MCF2L2: variants seen among roughly 807,000 people sequenced by gnomAD.
MCF2L2 encodes probable guanine nucleotide exchange factor MCF2L2.
MCF2L2 carries 102 observed loss-of-function variants against 150.2 expected under a neutral mutation model. That is an observed-to-expected ratio of 0.68 (90% CI 0.58 to 0.80). MCF2L2 has a LOEUF of 0.80. MCF2L2 is among the 30% of genes least tolerant of loss of function. The probability of loss-of-function intolerance (pLI) is 0.00; values close to 1 mark genes in which losing one functional copy is unlikely to be tolerated. For missense variants in MCF2L2, 1,256 were observed against 1,372.8 expected, an observed-to-expected ratio of 0.91 and a Z score of 1.34; for synonymous variants, 465 against 491.3, an observed-to-expected ratio of 0.95 and a Z score of 0.71.
rs753834882 is a variant in MCF2L2, at chr3:183,310,920, A to C, written c.988T>G (p.Cys330Gly). 1.9e-5 allele frequency: 30 copies of C among 1,611,348 alleles called. No homozygotes were observed. The part of the protein sequence containing the change: ...LQLQHFEHDF[C>G]KAKLALDNLL... ...AGTAAACAAGAAAAGAATACCTTAC[A>C]AAAATCGTGCTCAAAATGCTGTAGT... is the stretch of plus-strand genomic sequence containing the variant. Residue 330 changes from cysteine (C) to glycine (G), a missense_variant, in exon 9 of 30, where the codon TGT (cysteine) becomes GGT (glycine). Coordinates refer to ENST00000328913, the MANE Select transcript of MCF2L2 (RefSeq NM_015078.4).
intron 8 of MCF2L2, among the ~76,000 whole-genome samples, chr3:183,311,406 A>G (rs1729370778): frequency 6.6e-6 from 1 of 152,166 alleles, no homozygotes; most frequent in African/African-American, 2.4e-5. Context: ...CTCTCCCTCA[A>G]AATCCTAGGG....
At chr3:183,225,584 G>C (rs936454854) in intron 18 of MCF2L2, 4 of 152,376 alleles carry the variant, frequency 2.6e-5, no homozygotes, top group Admixed American at 1.3e-4. Flanking sequence ...TCTGGTGGCG[G>C]ATGGTCCAGG....
rs537201516 is a variant in MCF2L2, at chr3:183,338,880, G to A, written c.406C>T (p.Arg136Cys). ...PGNLQLIFIL[R>C]PSRFIQRTFT... ...GTCCTCTGGATAAAGCGAGATGGAC[G>A]AAGGATGAATATGAGCTGTAAGTTT... The change falls in exon 5 of 30, where the codon CGT (arginine) becomes TGT (cysteine). Residue 136 changes from arginine (R) to cysteine (C), a missense_variant. By Grantham distance (180) the Arg-to-Cys change is radical (BLOSUM62 -3). Transcript: ENST00000328913. 1.5e-5 allele frequency: 24 copies of A among 1,606,842 alleles called. No individual in the cohort carries two copies. The highest frequency in any genetic ancestry group is 1.2e-4 in the South Asian group (11 of 90,386).
intron 22 of MCF2L2, among the ~76,000 whole-genome samples, chr3:183,213,132 T>C (rs1234471000): frequency 9.9e-5 from 15 of 152,080 alleles, no homozygotes; most frequent in Non-Finnish European, 2.9e-5. Flanking sequence ...CCTTTAGTGG[T>C]TTATATAAAT....
intron 15 of MCF2L2, among the ~76,000 whole-genome samples, chr3:183,241,347 G>A (rs1393342023): frequency 6.6e-6 from 1 of 152,208 alleles, no homozygotes; most frequent in East Asian, 1.9e-4. Context: ...TTTGGTGGGT[G>A]ATATGGTTTG....
chr3:183,404,521 T>C (rs763596718), intron 1 of MCF2L2, among the ~76,000 whole-genome samples: 6 of 152,200 alleles, frequency 3.9e-5, no homozygotes, highest in Admixed American at 1.3e-4. Context: ...TTTAAAAACT[T>C]CACACTTACA....
At chr3:183,222,366 A>G (rs1723179701) in intron 20 of MCF2L2, among the ~76,000 whole-genome samples, 1 of 152,192 alleles carries the variant, frequency 6.6e-6, no homozygotes, top group South Asian at 2.1e-4. Flanking sequence ...CCTGGCCAAC[A>G]TGGTGAAACC....
At chr3:183,390,810 T>C (rs1342223261) in intron 1 of MCF2L2, among the ~76,000 whole-genome samples, 1 of 152,142 alleles carries the variant, frequency 6.6e-6, no homozygotes, top group Non-Finnish European at 1.5e-5. Context: ...GGCAGGAGAA[T>C]CTCTTGAGTC....
chr3:183,200,484 T>C (rs552399836), intron 25 of MCF2L2, among the ~76,000 whole-genome samples: 1 of 152,358 alleles, frequency 6.6e-6, no homozygotes, highest in East Asian at 1.9e-4. Context: ...ATTTTTTTCT[T>C]GTAAATTTGT....
chr3:183,364,154 T>C (rs1712377608), intron 3 of MCF2L2, among the ~76,000 whole-genome samples: 1 of 152,008 alleles, frequency 6.6e-6, no homozygotes, highest in South Asian at 2.1e-4. Context: ...ATGAATGAAA[T>C]AAATTATTCA....
intron 1 of MCF2L2, among the ~76,000 whole-genome samples, chr3:183,402,450 T>TTAAAAAAAA (rs1714812393): frequency 3.1e-5 from 1 of 32,534 alleles, no homozygotes; most frequent in Admixed American, 3.9e-4. Flanking sequence ...CGAGACTCCA[T>TTAAAAAAAA]CAAAAAAAAA....
chr3:183,377,663 G>C (rs1713265346), intron 3 of MCF2L2: 1 of 152,098 alleles, frequency 6.6e-6, no homozygotes, highest in Non-Finnish European at 1.5e-5. Context: ...TAAACCTCGG[G>C]GTTCTGTGGA....
intron 22 of MCF2L2, among the ~76,000 whole-genome samples, chr3:183,215,471 G>A (rs1018219454): frequency 3.9e-5 from 6 of 152,144 alleles, no homozygotes; most frequent in African/African-American, 1.4e-4. Context: ...GCCTCTAACT[G>A]CATCTCTTGG....
intron 26 of MCF2L2, among the ~76,000 whole-genome samples, chr3:183,194,375 C>G (rs1296791132): frequency 1.3e-5 from 2 of 152,092 alleles, no homozygotes; most frequent in Non-Finnish European, 2.9e-5. Flanking sequence ...GCAAGGAGCA[C>G]CAGTGAGGAC....
chr3:183,274,228 G>A (rs1163279008), intron 15 of MCF2L2, among the ~76,000 whole-genome samples: 1 of 151,390 alleles, frequency 6.6e-6, no homozygotes, highest in African/African-American at 2.4e-5. Flanking sequence ...AAAAAAAAAT[G>A]CATTTCTCAG....
At chr3:183,385,064 A>C (rs903079357) in intron 2 of MCF2L2, among the ~76,000 whole-genome samples, 6 of 152,258 alleles carry the variant, frequency 3.9e-5, no homozygotes, top group African/African-American at 1.2e-4. Flanking sequence ...TGCTGTAAGT[A>C]TAAAACACAA....
At chr3:183,350,422 C>A (rs1287326334) in intron 3 of MCF2L2, among the ~76,000 whole-genome samples, 1 of 152,014 alleles carries the variant, frequency 6.6e-6, no homozygotes, top group Non-Finnish European at 1.5e-5. Context: ...TTGGTTTTTA[C>A]CCCTCTTGTT....
rs969857775 is a variant in MCF2L2 at position 183,179,252 on chromosome 3, T to C, written c.*128A>G. On this transcript the variant is annotated 3_prime_UTR_variant, in exon 30 of 30. Coordinates refer to ENST00000328913, the MANE Select transcript of MCF2L2 (RefSeq NM_015078.4). This position sits in a 1 kb window ranked among gnomAD's most constrained non-coding sequence, Gnocchi z 4.2. ...GGCTCCTCGGAGGAGGCCCTGGTTG[T>C]CCCCTTTCTGCCGCCGCCGAGGCTC... 8.6e-6 allele frequency: 11 copies of C among 1,278,946 alleles called. No individual in the cohort carries two copies. In the African/African-American group the frequency reaches 1.7e-4, roughly 20 times the overall value. 79.2% of individuals were successfully genotyped at this position (1,278,946 alleles called of 1,614,324 possible).
intron 10 of MCF2L2, among the ~76,000 whole-genome samples, chr3:183,306,100 G>A (rs1439082138): frequency 1.3e-5 from 2 of 152,158 alleles, no homozygotes; most frequent in East Asian, 1.9e-4. Context: ...GCTACGAAAC[G>A]TGACTAGGGT....
Sources: gnomAD v4.1 joint callset for allele counts (sites outside exome capture counted in the v4.1 genomes callset) on GRCh38, gnomAD v4.1.1 for gene constraint, Gnocchi (gnomAD v3.1) non-coding constraint, MANE v1.5 for transcripts, NCBI Gene and HGNC (gene_info 2026-07-23, HGNC 2026-07-21) for gene names.